LMBRD2: variants seen among roughly 807,000 people sequenced by gnomAD.
LMBRD2 encodes the protein LMBR1 domain containing 2.
Under a neutral mutation model 94.4 loss-of-function variants are expected in LMBRD2, and 55 were observed. The ratio of observed to expected loss-of-function variants is 0.58; its 90% CI spans 0.47 to 0.73. The LOEUF is 0.73. LMBRD2 is among the 30% of genes least tolerant of loss of function. LMBRD2 has a pLI of 0.00. For missense variants in LMBRD2, 640 were observed against 831.9 expected, an observed-to-expected ratio of 0.77 and a Z score of 2.84; for synonymous variants, 246 against 272.4, an observed-to-expected ratio of 0.90 and a Z score of 0.95.
Position 36,101,275 on chromosome 5 carries a change from T to G in LMBRD2, c.*2771A>C, listed in dbSNP as rs993023795. On this transcript the variant is annotated 3_prime_UTR_variant, in exon 18 of 18. Transcript: ENST00000296603. ...GTTGTAAAAGAAGTTAATTAGTAAT[T>G]TAGAGGTGATTCATTAAATTAATAG... is the stretch of plus-strand genomic sequence containing the variant. 6.6e-6 allele frequency: 1 copy of G among 151,924 alleles called. No individual in the cohort carries two copies. The highest frequency in any genetic ancestry group is 2.1e-4 in the South Asian group (1 of 4,830). 9.4% of individuals were successfully genotyped at this position (151,924 alleles called of 1,614,324 possible). A position where few individuals can be genotyped will look rare whatever the true frequency, so the allele number is the denominator to read the frequency against.
chr5:36,136,620 G>T (rs1428923201), intron 5 of LMBRD2, 101 bp from the exon 6 acceptor site: 2 of 917,546 alleles, frequency 2.2e-6, no homozygotes, highest in East Asian at 2.6e-5. Context: ...TTCTACTGCA[G>T]TTAAAATTAG....
Position 36,133,975 on chromosome 5 carries a change from A to C in LMBRD2, c.747+2334T>G, listed in dbSNP as rs531386393. Among the ~76,000 whole-genome samples the C allele has an allele frequency of 2.8e-4, 42 of 152,280 alleles. No homozygotes were observed. The South Asian group carries it at 8.3e-3, about 30-fold the overall frequency. On this transcript the variant is annotated intron_variant, in intron 6 of 17. Transcript: ENST00000296603. ...CCTCAAATCTGAAACAACTGAATTTAATACCAACTTTTGGATGGAACGCTA... is the reference window on the plus strand; with the variant it reads ...CCTCAAATCTGAAACAACTGAATTTCATACCAACTTTTGGATGGAACGCTA...
intron 13 of LMBRD2, among the ~76,000 whole-genome samples, chr5:36,111,838 T>C (rs1743614768): frequency 6.6e-6 from 1 of 152,074 alleles, no homozygotes; most frequent in Admixed American, 6.6e-5. Context: ...ATTTTAACTA[T>C]CACTCTAAGA....
chr5:36,106,661 C>T (rs1379984541), intron 16 of LMBRD2, among the ~76,000 whole-genome samples: 2 of 151,922 alleles, frequency 1.3e-5, no homozygotes, highest in Non-Finnish European at 2.9e-5. Context: ...AGGTGCATAC[C>T]ACCATGCCCA....
intron 15 of LMBRD2, among the ~76,000 whole-genome samples, chr5:36,109,231 C>A (rs1477687924): frequency 1.3e-5 from 2 of 152,046 alleles, no homozygotes; most frequent in African/African-American, 4.8e-5. Context: ...TTTTGGCTCT[C>A]TGACTAGATA....
Position 36,108,600 on chromosome 5 carries a change from T to A in LMBRD2, c.1831A>T (p.Thr611Ser), listed in dbSNP as rs1743529589. ...ERYGHNREDS[T>S]RNRNIHTDPK... ...TCAGTATGAATATTTCTGTTCCTAG[T>A]GGAATCTTCTCTATTGTGTCCATAA... is the stretch of plus-strand genomic sequence containing the variant. Residue 611 changes from threonine (T) to serine (S), a missense_variant, in exon 16 of 18, where the codon ACT (threonine) becomes TCT (serine). This residue lies in a region of LMBRD2 where 183 missense variants were observed against 189.1 expected (regional missense o/e 0.97). Transcript: ENST00000296603. 2.5e-6 allele frequency: 4 copies of A among 1,594,526 alleles called. No homozygotes were observed. Among genetic ancestry groups the A allele is most frequent in the Non-Finnish European group, 2.6e-6 (3 of 1,166,610 alleles).
intron 11 of LMBRD2, 101 bp downstream of exon 11, chr5:36,116,359 T>C (rs143787253): frequency 2.0e-6 from 2 of 1,011,882 alleles, no homozygotes; most frequent in Non-Finnish European, 3.0e-6. Flanking sequence ...GATAGAAATA[T>C]AGATGTTAGT....
intron 16 of LMBRD2, among the ~76,000 whole-genome samples, chr5:36,108,274 A>G (rs1378889999): frequency 6.6e-6 from 1 of 152,170 alleles, no homozygotes; most frequent in Non-Finnish European, 1.5e-5. Context: ...ACCTGGGATA[A>G]GTGCTTACAT....
At position 36,151,160 on chromosome 5, in the gene LMBRD2, G is replaced by C. The variant is rs1198656294; in HGVS notation, c.-58+396C>G. On this transcript the variant is annotated intron_variant, in intron 1 of 17. Coordinates refer to ENST00000296603, the MANE Select transcript of LMBRD2 (RefSeq NM_001007527.2). This position sits in a 1 kb window ranked among gnomAD's most constrained non-coding sequence, Gnocchi z 4.7. ...AGCAGAGATAGGCTGAAAGCAGCTC[G>C]CTTTTAGGCGGCGACGCAAACACAC... 6.6e-6 allele frequency among the ~76,000 whole-genome samples: 1 copy of C among 152,202 alleles called. No homozygotes were observed. The highest frequency in any genetic ancestry group is 2.4e-5 in the African/African-American group (1 of 41,432).
chr5:36,122,848 CT>C lies in LMBRD2; in HGVS notation c.935del (p.Gln312ArgfsTer2). ...AAATACTTATAATTAACAAAGTTAC[CT>C]GTTTATGCAGTTTTACCAGACTTTT... ...SEKSLVKLHK[Q>X]VIYSVQRHRR... On this transcript the variant is annotated frameshift_variant and splice_region_variant, in exon 8 of 18. Coordinates refer to ENST00000296603, the MANE Select transcript of LMBRD2 (RefSeq NM_001007527.2). LOFTEE classifies it high-confidence loss of function. 1 of 1,590,314 alleles carries C rather than the reference CT, an allele frequency of 6.3e-7. No homozygotes were observed. Among genetic ancestry groups the C allele is most frequent in the South Asian group, 1.2e-5 (1 of 86,452 alleles).
intron 1 of LMBRD2, among the ~76,000 whole-genome samples, chr5:36,146,316 G>A (rs1255961416): frequency 6.6e-6 from 1 of 152,184 alleles, no homozygotes; most frequent in African/African-American, 2.4e-5. Flanking sequence ...GGTCACACAA[G>A]TTTAAAATCA....
intron 17 of LMBRD2, among the ~76,000 whole-genome samples, chr5:36,104,471 G>A (rs778127785): frequency 2.4e-4 from 36 of 151,822 alleles, no homozygotes; most frequent in Admixed American, 1.2e-3. Flanking sequence ...AAACATTTTC[G>A]TGCACATGAT....
chr5:36,137,821 C>T (rs1744306938), intron 4 of LMBRD2, among the ~76,000 whole-genome samples: 1 of 152,128 alleles, frequency 6.6e-6, no homozygotes, highest in African/African-American at 2.4e-5. Flanking sequence ...GGTCAGTTGA[C>T]AGCATACTGA....
chr5:36,144,469 G>A (rs1744490911), intron 1 of LMBRD2, among the ~76,000 whole-genome samples: 1 of 152,148 alleles, frequency 6.6e-6, no homozygotes. Flanking sequence ...GATCACCTGA[G>A]GTCAGGAGTT....
intron 1 of LMBRD2, among the ~76,000 whole-genome samples, chr5:36,150,423 C>T: frequency 6.6e-6 from 1 of 152,168 alleles, no homozygotes; most frequent in East Asian, 1.9e-4. Context: ...ATTATGGCAT[C>T]TTAAATATTT....
rs761516581 is a variant in LMBRD2, at chr5:36,109,998, A to G, written c.1745-7T>C. ...CTTTGCCTTTTTCTCTTCTCTAAAG[A>G]CAGAAAAATGATCTCAAATATGGCA... On this transcript the variant is annotated splice_region_variant and splice_polypyrimidine_tract_variant and intron_variant, in intron 14 of 17. Transcript: ENST00000296603. 1.2e-6 allele frequency: 2 copies of G among 1,605,012 alleles called. No individual in the cohort carries two copies. The highest frequency in any genetic ancestry group is 2.2e-5 in the East Asian group (1 of 44,720).
intron 4 of LMBRD2, among the ~76,000 whole-genome samples, chr5:36,139,802 A>C (rs552648600): frequency 6.6e-6 from 1 of 152,288 alleles, no homozygotes; most frequent in East Asian, 1.9e-4. Context: ...GCCTGCAGAA[A>C]GGAGCTATCC....
intron 10 of LMBRD2, among the ~76,000 whole-genome samples, chr5:36,117,485 A>G (rs929902746): frequency 4.0e-5 from 6 of 151,828 alleles, no homozygotes; most frequent in African/African-American, 9.7e-5. Flanking sequence ...TTCTGCCTCC[A>G]AAAAAAACAG....
At chr5:36,129,160 G>A (rs1744076908) in intron 6 of LMBRD2, among the ~76,000 whole-genome samples, 1 of 152,118 alleles carries the variant, frequency 6.6e-6, no homozygotes, top group Non-Finnish European at 1.5e-5. Flanking sequence ...TTAAAGAGGA[G>A]GTAGAGTGAG....
Sources: gnomAD v4.1 joint callset for allele counts (sites outside exome capture counted in the v4.1 genomes callset) on GRCh38, gnomAD v4.1.1 for gene constraint, gnomAD v4.1.1 regional missense constraint, Gnocchi (gnomAD v3.1) non-coding constraint, MANE v1.5 for transcripts, NCBI Gene and HGNC (gene_info 2026-07-23, HGNC 2026-07-21) for gene names.